CDON: variants seen among roughly 807,000 people sequenced by gnomAD.
CDON encodes the protein cell adhesion associated, oncogene regulated.
In CDON, 73 loss-of-function variants were observed where a neutral mutation model predicts 120.9. The ratio of observed to expected loss-of-function variants is 0.60; its 90% confidence interval spans 0.50 to 0.73. The LOEUF (loss-of-function observed/expected upper bound fraction) is 0.73. Among genes scored for constraint, CDON ranks in the 30% least tolerant of loss-of-function variants. The pLI, the probability that CDON is intolerant of heterozygous loss-of-function variation, is 0.00. For synonymous variants in CDON, 566 were observed against 573.5 expected, an observed-to-expected ratio of 0.99 and a Z score of 0.19; for missense variants, 1,470 against 1,587.3, an observed-to-expected ratio of 0.93 and a Z score of 1.26.
chr11:125,968,430 T>C (rs995521704), intron 18 of CDON, among the ~76,000 whole-genome samples: 3 of 152,194 alleles, frequency 2.0e-5, no homozygotes, highest in East Asian at 1.9e-4. Context: ...GGGGCAGGAC[T>C]GGAGGAGCGG....
chr11:125,998,712 G>A (rs910742726), intron 11 of CDON, among the ~76,000 whole-genome samples: 9 of 152,128 alleles, frequency 5.9e-5, no homozygotes, highest in Admixed American at 1.3e-4. Context: ...GAAATAATCC[G>A]GTCTGTATGA....
intron 6 of CDON, among the ~76,000 whole-genome samples, chr11:126,016,815 T>C (rs1238385778): frequency 6.6e-6 from 1 of 152,164 alleles, no homozygotes; most frequent in Non-Finnish European, 1.5e-5. Flanking sequence ...TCCAGTTTTT[T>C]CCTCCATGTT....
Position 125,960,898 on chromosome 11 carries a change from G to C in CDON, c.*44C>G. On this transcript the variant is annotated 3_prime_UTR_variant, in exon 20 of 20. Coordinates refer to ENST00000531738, the MANE Select transcript of CDON (RefSeq NM_001378964.1). The stretch of plus-strand genomic sequence containing the variant: ...TTCGCTCCCAGGCCTGTTGTGTGCA[G>C]TTACCGGCTTGAAGTTGGAACATGA... 1.3e-6 allele frequency: 2 copies of C among 1,595,904 alleles called. No homozygotes were observed. The highest frequency in any genetic ancestry group is 1.1e-5 in the South Asian group (1 of 90,706).
intron 11 of CDON, among the ~76,000 whole-genome samples, chr11:126,001,308 C>G (rs373361278): frequency 6.6e-6 from 1 of 151,810 alleles, no homozygotes; most frequent in East Asian, 1.9e-4. Context: ...CCACCTTGGC[C>G]TCCTGAGTAG....
Position 126,003,981 on chromosome 11 carries a change from A to G in CDON, c.1947T>C (p.Ser649=). ...ELHLAELEPS[S]LYEVLMVARS... is the part of the protein sequence containing the mutation. Reference sequence around the variant, plus strand: ...TTGCTACCATCAAGACTTCATAAAGACTAGATGGCTCCAGCTCAGCTAAAT... The same window carrying G: ...TTGCTACCATCAAGACTTCATAAAGGCTAGATGGCTCCAGCTCAGCTAAAT... The change falls in exon 10 of 20, where the codon AGT becomes AGC. Residue 649 remains serine (S), a synonymous_variant. Coordinates refer to ENST00000531738, the MANE Select transcript of CDON (RefSeq NM_001378964.1). 6.2e-7 allele frequency: 1 copy of G among 1,613,880 alleles called. No homozygotes were observed. Among genetic ancestry groups the G allele is most frequent in the Non-Finnish European group, 8.5e-7 (1 of 1,179,902 alleles).
intron 18 of CDON, among the ~76,000 whole-genome samples, chr11:125,977,007 C>T (rs892330483): frequency 3.9e-5 from 6 of 152,128 alleles, no homozygotes; most frequent in South Asian, 4.1e-4. Flanking sequence ...AAAGAAAACA[C>T]GTTAAAATTT....
chr11:125,988,892 TCTC>T (rs1410973143), intron 15 of CDON, among the ~76,000 whole-genome samples: 1 of 152,298 alleles, frequency 6.6e-6, no homozygotes, highest in Non-Finnish European at 1.5e-5. Flanking sequence ...ATGTTGCACT[TCTC>T]CTTAATATTC....
intron 8 of CDON, 72 bp from the exon 9 acceptor site, chr11:126,006,129 T>C: frequency 7.2e-7 from 1 of 1,390,602 alleles, no homozygotes; most frequent in East Asian, 2.3e-5. Context: ...GTTTGTGACG[T>C]GACTGCCCTC....
At chr11:126,035,595 A>G (rs1428902131) in intron 1 of CDON, among the ~76,000 whole-genome samples, 1 of 152,206 alleles carries the variant, frequency 6.6e-6, no homozygotes, top group Non-Finnish European at 1.5e-5. Flanking sequence ...TCATAAGCTG[A>G]CATACAAGTC....
intron 1 of CDON, among the ~76,000 whole-genome samples, chr11:126,038,007 T>C (rs1948148415): frequency 1.3e-5 from 2 of 152,102 alleles, no homozygotes; most frequent in African/African-American, 4.8e-5. Flanking sequence ...AGCAAAGATA[T>C]CCAAAGTCGA....
At position 126,003,880 on chromosome 11, in the gene CDON, T is replaced by C. The variant is rs755786357; in HGVS notation, c.2026+22A>G. On this transcript the variant is annotated intron_variant, in intron 10 of 19. Transcript: ENST00000531738. ...GACATCAGGGCAGCCAGCTCATTCC[T>C]CCAAAGGAAGCCCTCACTCACCTTT... The C allele has an allele frequency of 2.5e-6, 4 of 1,611,034 alleles. No homozygotes were observed. In the African/African-American group the frequency reaches 4.0e-5, roughly 16 times the overall value.
chr11:125,996,161 AACACACACACAC>A (rs35536827), intron 12 of CDON, among the ~76,000 whole-genome samples: 14,563 of 145,916 alleles, frequency 0.1, 859 homozygotes, highest in African/African-American at 0.16. Flanking sequence ...GTCACAGCAA[AACACACACACAC>A]ACACACACAC....
At chr11:126,036,834 G>A (rs368086596) in intron 1 of CDON, among the ~76,000 whole-genome samples, 108 of 152,182 alleles carry the variant, frequency 7.1e-4, no homozygotes, top group Middle Eastern at 3.4e-3. Flanking sequence ...CACCACAGGC[G>A]CAAGCCATCA....
intron 14 of CDON, among the ~76,000 whole-genome samples, chr11:125,993,523 C>T (rs184400727): frequency 3.7e-4 from 57 of 152,338 alleles, no homozygotes; most frequent in African/African-American, 1.3e-3. Context: ...GAGAGGAAGT[C>T]ACCCGAGGGG....
chr11:125,990,502 G>A (rs1215007771), intron 14 of CDON, among the ~76,000 whole-genome samples: 1 of 152,146 alleles, frequency 6.6e-6, no homozygotes, highest in South Asian at 2.1e-4. Flanking sequence ...CCATGGACCT[G>A]TGACAATCTT....
intron 1 of CDON, among the ~76,000 whole-genome samples, chr11:126,048,025 C>T (rs1948446458): frequency 6.6e-6 from 1 of 151,990 alleles, no homozygotes; most frequent in South Asian, 2.1e-4. Context: ...GCCTGTAATC[C>T]CAGCACTTTG....
intron 18 of CDON, among the ~76,000 whole-genome samples, chr11:125,966,180 G>A (rs969712886): frequency 2.6e-5 from 4 of 151,316 alleles, no homozygotes; most frequent in Admixed American, 2.6e-4. Context: ...GGGCACATCA[G>A]GAGACAAGAA....
intron 4 of CDON, 57 bp from the exon 5 acceptor site, chr11:126,018,530 C>T: frequency 7.0e-7 from 1 of 1,435,732 alleles, no homozygotes; most frequent in Non-Finnish European, 9.8e-7. Flanking sequence ...CACCACAGCA[C>T]AACTAAAACT....
intron 18 of CDON, among the ~76,000 whole-genome samples, chr11:125,964,899 T>C (rs535590018): frequency 1.3e-5 from 2 of 152,208 alleles, no homozygotes; most frequent in Non-Finnish European, 2.9e-5. Context: ...GCAACCTATA[T>C]GGCTGCCACG....
Sources: allele counts gnomAD v4.1 joint callset (sites outside exome capture counted in the v4.1 genomes callset), GRCh38; gene constraint gnomAD v4.1.1; transcripts MANE v1.5; gene names NCBI Gene and HGNC (gene_info 2026-07-23, HGNC 2026-07-21).